Variants in PCDHGB1 observed in about 807,000 individuals in gnomAD.
PCDHGB1 encodes the protein protocadherin gamma-B1.
A neutral mutation model predicts 56.6 loss-of-function variants in PCDHGB1; 34 were observed. The observed-to-expected ratio is 0.60, with a 90% CI of 0.46 to 0.80. The LOEUF (loss-of-function observed/expected upper bound fraction) is 0.80. Among genes scored for constraint, PCDHGB1 ranks in the 30% least tolerant of loss-of-function variants. PCDHGB1 has a pLI of 0.00. For missense variants in PCDHGB1, 1,278 were observed against 1,204.6 expected (o/e 1.06, Z -0.90); for synonymous variants, 561 against 505.9 (o/e 1.11, Z -1.46).
chr5:141,446,138 T>C (rs1254949926), intron 1 of PCDHGB1, among the ~76,000 whole-genome samples: 1 of 152,208 alleles, frequency 6.6e-6, no homozygotes, highest in African/African-American at 2.4e-5. Context: ...GACTTAATAA[T>C]GGAATAGGTG....
chr5:141,433,358 C>CCTATCTATCTATCTATCTAT (rs3074541), intron 1 of PCDHGB1: 39 of 504,044 alleles, frequency 7.7e-5, no homozygotes, highest in Admixed American at 1.8e-4. Context: ...CTACTGTCTG[C>CCTATCTATCTATCTATCTAT]CTATCTATCT....
At position 141,485,632 on chromosome 5, in the gene PCDHGB1, G is replaced by C; in HGVS notation, c.2410-9175G>C. 6.2e-7 allele frequency: 1 copy of C among 1,611,766 alleles called. No individual in the cohort carries two copies. The highest frequency in any genetic ancestry group is 8.5e-7 in the Non-Finnish European group (1 of 1,178,342). ...CAGCTCCTCCAGGACAGCGTTTCCC[G>C]TTGGAAAAGGCTCAGGATGCAGATG... is the stretch of plus-strand genomic sequence containing the variant. On this transcript the variant is annotated intron_variant, in intron 1 of 3. Coordinates refer to ENST00000523390, the MANE Select transcript of PCDHGB1 (RefSeq NM_018922.3). This position sits in a 1 kb window ranked among gnomAD's most constrained non-coding sequence, Gnocchi z 5.7.
intron 1 of PCDHGB1, among the ~76,000 whole-genome samples, chr5:141,482,314 A>G (rs1279804501): frequency 6.6e-6 from 1 of 152,180 alleles, no homozygotes; most frequent in Admixed American, 6.5e-5. Flanking sequence ...TTCCTCATCT[A>G]TAAAATAAAG....
chr5:141,479,562 T>G (rs1176956064), intron 1 of PCDHGB1: 2 of 152,218 alleles, frequency 1.3e-5, no homozygotes, highest in Non-Finnish European at 2.9e-5. Flanking sequence ...TATCCAGTAG[T>G]GGGATGACAT....
At position 141,490,742 on chromosome 5, in the gene PCDHGB1, C is replaced by A. The variant is rs1281337347; in HGVS notation, c.2410-4065C>A. 1.2e-6 allele frequency: 2 copies of A among 1,614,062 alleles called. No homozygotes were observed. Among genetic ancestry groups the A allele is most frequent in the Non-Finnish European group, 1.7e-6 (2 of 1,180,022 alleles). On this transcript the variant is annotated intron_variant, in intron 1 of 3. Coordinates refer to ENST00000523390, the MANE Select transcript of PCDHGB1 (RefSeq NM_018922.3). This position sits in a 1 kb window ranked among gnomAD's most constrained non-coding sequence, Gnocchi z 5.4. ...ATTGTAGGAAATCAGGTTCAGGGAGCCCCAGCCTCCTCCTTTGTGTATGTC... is the reference window on the plus strand; with the variant it reads ...ATTGTAGGAAATCAGGTTCAGGGAGACCCAGCCTCCTCCTTTGTGTATGTC...
intron 1 of PCDHGB1, chr5:141,384,846 C>T: frequency 1.2e-6 from 2 of 1,613,586 alleles, no homozygotes; most frequent in Non-Finnish European, 1.7e-6. Context: ...TCCAGGACCA[C>T]GGTCAGCCTC....
intron 1 of PCDHGB1, among the ~76,000 whole-genome samples, chr5:141,386,837 A>G (rs551845645): frequency 1.3e-5 from 2 of 152,378 alleles, no homozygotes; most frequent in Middle Eastern, 6.8e-3. Context: ...ATGGAGAGAC[A>G]TAATCACTAA....
chr5:141,385,490 G>A, intron 1 of PCDHGB1: 15 of 1,399,988 alleles, frequency 1.1e-5, no homozygotes, highest in East Asian at 2.6e-5. Context: ...AGAACACATA[G>A]GATATAGTAT....
intron 1 of PCDHGB1, chr5:141,370,363 G>A: frequency 1.3e-6 from 2 of 1,518,634 alleles, no homozygotes; most frequent in South Asian, 1.3e-5. Context: ...TCCTCTCCTC[G>A]GATTTAGAAA....
chr5:141,364,009 G>C (rs1763143334), intron 1 of PCDHGB1, among the ~76,000 whole-genome samples: 1 of 152,092 alleles, frequency 6.6e-6, no homozygotes, highest in Non-Finnish European at 1.5e-5. Context: ...CATAAACAAC[G>C]CTACACAGTT....
chr5:141,380,531 A>G (rs1197165586), intron 1 of PCDHGB1, among the ~76,000 whole-genome samples: 4 of 152,346 alleles, frequency 2.6e-5, no homozygotes, highest in African/African-American at 9.6e-5. Flanking sequence ...AATGATTTCA[A>G]TTTGATACAA....
chr5:141,371,840 A>T, intron 1 of PCDHGB1: 1 of 1,613,642 alleles, frequency 6.2e-7, no homozygotes, highest in African/African-American at 1.3e-5. Flanking sequence ...CCGACTTGGG[A>T]CCTAATGGCC....
In PCDHGB1 at chr5:141,486,805, C is replaced by A; in HGVS notation, c.2410-8002C>A. On this transcript the variant is annotated intron_variant, in intron 1 of 3. Transcript: ENST00000523390. The surrounding 1 kb of genome is among the most constrained non-coding windows in gnomAD (Gnocchi z 5.0). ...AGGCCCGGGATCGGGGCAACCCACC[C>A]CTTAGCAGCACTGTAACAGTTCGTC... 1.2e-6 allele frequency: 2 copies of A among 1,614,242 alleles called. No homozygotes were observed. Among genetic ancestry groups the A allele is most frequent in the Admixed American group, 1.7e-5 (1 of 60,034 alleles).
intron 1 of PCDHGB1, chr5:141,366,166 C>A (rs764048783): frequency 1.2e-6 from 2 of 1,614,076 alleles, no homozygotes; most frequent in Admixed American, 1.7e-5. Flanking sequence ...TTAAGGCCAG[C>A]GAGCCAGGAC....
intron 1 of PCDHGB1, among the ~76,000 whole-genome samples, chr5:141,466,570 T>C (rs967163331): frequency 6.6e-6 from 1 of 152,202 alleles, no homozygotes; most frequent in East Asian, 1.9e-4. Flanking sequence ...TCTTCAACAT[T>C]GTCTCATCCC....
At chr5:141,406,331 C>A (rs577134835) in intron 1 of PCDHGB1, among the ~76,000 whole-genome samples, 22 of 152,002 alleles carry the variant, frequency 1.4e-4, no homozygotes, top group Non-Finnish European at 2.8e-4. Context: ...CTTACTCCTA[C>A]GATCATTTAT....
chr5:141,384,255 C>A (rs1434476229), intron 1 of PCDHGB1: 1 of 1,613,746 alleles, frequency 6.2e-7, no homozygotes, highest in African/African-American at 1.3e-5. Flanking sequence ...CACCCACCTT[C>A]CCCCACTCAT....
chr5:141,471,618 A>C (rs1421854064), intron 1 of PCDHGB1: 1 of 152,218 alleles, frequency 6.6e-6, no homozygotes, highest in Non-Finnish European at 1.5e-5. Context: ...TGGGAGTAGT[A>C]AGCATTGGTA....
chr5:141,360,233 T>C lies in PCDHGB1; in HGVS notation c.2409+7564T>C, dbSNP rs770644210. ...TTCCCCGGGGCTCTCCCAGTCCAGA[T>C]CCGCTATTCAATTCCAGAGGAGCTG... On this transcript the variant is annotated intron_variant, in intron 1 of 3. Transcript: ENST00000523390. 1.9e-6 allele frequency: 3 copies of C among 1,613,862 alleles called. No individual in the cohort carries two copies. The highest frequency in any genetic ancestry group is 1.7e-5 in the Admixed American group (1 of 60,000).
Sources: gnomAD v4.1 joint callset for allele counts (sites outside exome capture counted in the v4.1 genomes callset) on GRCh38, gnomAD v4.1.1 for gene constraint, Gnocchi (gnomAD v3.1) non-coding constraint, MANE v1.5 for transcripts, NCBI Gene and HGNC (gene_info 2026-07-23, HGNC 2026-07-21) for gene names.